Variants in NFASC observed in about 807,000 individuals in gnomAD.
The protein encoded by NFASC is neurofascin, also known as neurofascin homolog.
In NFASC, 43 loss-of-function variants were observed where a neutral mutation model predicts 147.5. The observed-to-expected ratio is 0.29, with a 90% CI of 0.23 to 0.38. The LOEUF is 0.38. Among genes scored for constraint, NFASC ranks in the 10% least tolerant of loss-of-function variants. NFASC has a pLI of 1.00. For synonymous variants in NFASC, 622 were observed against 665.5 expected (o/e 0.93, Z 1.01); for missense variants, 1,320 against 1,689.0 (o/e 0.78, Z 3.83).
chr1:204,976,737 G>T lies in NFASC; in HGVS notation c.1773G>T (p.Thr591=). 2 of 1,614,084 alleles carry T rather than the reference G, an allele frequency of 1.2e-6. No homozygotes were observed. The highest frequency in any genetic ancestry group is 1.7e-6 in the Non-Finnish European group (2 of 1,179,982). The change falls in exon 16 of 30, where the codon ACG becomes ACT. Residue 591 remains threonine (T), a synonymous_variant. Coordinates refer to ENST00000339876, the MANE Select transcript of NFASC (RefSeq NM_001005388.3). The part of the protein sequence containing the change: ...GVAERDQGSY[T]CVASTELDQD... ...CAGAGCGGGACCAGGGCAGTTACAC[G>T]TGTGTCGCCAGCACCGAGCTAGACC...
At chr1:204,876,224 C>T (rs1472989103) in intron 1 of NFASC, among the ~76,000 whole-genome samples, 1 of 152,004 alleles carries the variant, frequency 6.6e-6, no homozygotes. Flanking sequence ...GTATATGCCC[C>T]ATGTAACCAC....
At chr1:204,919,431 T>C (rs2090018277) in intron 1 of NFASC, among the ~76,000 whole-genome samples, 1 of 152,232 alleles carries the variant, frequency 6.6e-6, no homozygotes, top group South Asian at 2.1e-4. Flanking sequence ...CTTTCCTAAA[T>C]AAATGGTAGC....
chr1:204,934,564 C>T (rs1470386714), intron 2 of NFASC, among the ~76,000 whole-genome samples: 2 of 152,178 alleles, frequency 1.3e-5, no homozygotes, highest in East Asian at 1.9e-4. Context: ...CTCTGCCTTC[C>T]GGGTTATCCT....
intron 1 of NFASC, among the ~76,000 whole-genome samples, chr1:204,889,640 G>A (rs1450393241): frequency 6.6e-6 from 1 of 152,140 alleles, no homozygotes; most frequent in Admixed American, 6.5e-5. Flanking sequence ...CTTCCTCCAG[G>A]CTATGTTCCC....
At chr1:204,873,351 G>A (rs1295391271) in intron 1 of NFASC, among the ~76,000 whole-genome samples, 1 of 152,222 alleles carries the variant, frequency 6.6e-6, no homozygotes, top group African/African-American at 2.4e-5. Context: ...CAACCAGCCA[G>A]CAGCTCTGGG....
chr1:204,838,062 TC>T (rs1300009103), intron 1 of NFASC, among the ~76,000 whole-genome samples: 2 of 152,126 alleles, frequency 1.3e-5, no homozygotes, highest in African/African-American at 4.8e-5. Flanking sequence ...CAGCAGAACT[TC>T]CCAGAACACC....
At chr1:204,907,665 C>T (rs2086293430) in intron 1 of NFASC, among the ~76,000 whole-genome samples, 1 of 152,202 alleles carries the variant, frequency 6.6e-6, no homozygotes, top group African/African-American at 2.4e-5. Flanking sequence ...GAGAATGGCT[C>T]AACTCCCTTG....
At chr1:204,994,429 A>G (rs1468194373) in intron 24 of NFASC, among the ~76,000 whole-genome samples, 1 of 152,166 alleles carries the variant, frequency 6.6e-6, no homozygotes, top group Non-Finnish European at 1.5e-5. Flanking sequence ...ACTCACTGGA[A>G]CATCCTGGGA....
At chr1:204,970,074 C>CAAAAAAAAAAAAAAAAA (rs11307141) in intron 10 of NFASC, among the ~76,000 whole-genome samples, 1 of 65,460 alleles carries the variant, frequency 1.5e-5, no homozygotes, top group Non-Finnish European at 2.7e-5. Flanking sequence ...GACTCCATCT[C>CAAAAAAAAAAAAAAAAA]AAAAAAAAAA....
intron 1 of NFASC, among the ~76,000 whole-genome samples, chr1:204,868,622 G>T (rs1184698244): frequency 6.6e-6 from 1 of 152,188 alleles, no homozygotes; most frequent in Admixed American, 6.5e-5. Context: ...GTCCACAGGT[G>T]GCTTTGGGAG....
intron 8 of NFASC, among the ~76,000 whole-genome samples, chr1:204,964,955 T>C (rs2094869226): frequency 6.6e-6 from 1 of 152,188 alleles, no homozygotes; most frequent in Non-Finnish European, 1.5e-5. Flanking sequence ...GGTTGAGGCA[T>C]TGTCATCTCC....
At chr1:204,952,492 A>G (rs932436269) in intron 5 of NFASC, among the ~76,000 whole-genome samples, 1 of 152,212 alleles carries the variant, frequency 6.6e-6, no homozygotes, top group African/African-American at 2.4e-5. Flanking sequence ...TTATGTGCTC[A>G]TTAAGACCAA....
chr1:204,915,891 G>A (rs2089136051), intron 1 of NFASC, among the ~76,000 whole-genome samples: 1 of 152,162 alleles, frequency 6.6e-6, no homozygotes, highest in Non-Finnish European at 1.5e-5. Context: ...CGTTTGCTAA[G>A]GAATGATCTG....
At chr1:204,983,964 C>A in intron 21 of NFASC, 2 of 1,165,140 alleles carry the variant, frequency 1.7e-6, no homozygotes, top group Non-Finnish European at 2.6e-6. Flanking sequence ...CAGCAGAGAA[C>A]AAGTCAGAAG....
At chr1:204,916,831 C>T (rs1348007012) in intron 1 of NFASC, among the ~76,000 whole-genome samples, 3 of 152,076 alleles carry the variant, frequency 2.0e-5, no homozygotes, top group Non-Finnish European at 2.9e-5. Context: ...TCTCAGCCTT[C>T]CAGGGTGCTG....
intron 25 of NFASC, 38 bp downstream of exon 25, chr1:204,997,444 C>G: frequency 6.4e-7 from 1 of 1,551,314 alleles, no homozygotes; most frequent in South Asian, 1.2e-5. Context: ...CCCCTCCTGG[C>G]CCGCCTCCCC....
chr1:204,903,264 T>A (rs1455926278), intron 1 of NFASC, among the ~76,000 whole-genome samples: 1 of 152,222 alleles, frequency 6.6e-6, no homozygotes, highest in African/African-American at 2.4e-5. Context: ...TTTTCTACCC[T>A]TCTTTCCAAA....
chr1:204,889,325 A>G (rs974395567), intron 1 of NFASC, among the ~76,000 whole-genome samples: 2 of 152,206 alleles, frequency 1.3e-5, no homozygotes, highest in Non-Finnish European at 1.5e-5. Flanking sequence ...CACCTTCCCA[A>G]CTTTCCCAGG....
chr1:205,002,556 G>A (rs1209508015), intron 26 of NFASC, 40 bp from the exon 27 acceptor site: 2 of 1,402,992 alleles, frequency 1.4e-6, no homozygotes, highest in Non-Finnish European at 9.4e-7. Flanking sequence ...TCCAGCTCCT[G>A]GTGCCTGGCT....
Sources: gnomAD v4.1 joint callset for allele counts (sites outside exome capture counted in the v4.1 genomes callset) on GRCh38, gnomAD v4.1.1 for gene constraint, MANE v1.5 for transcripts, NCBI Gene and HGNC (gene_info 2026-07-23, HGNC 2026-07-21) for gene names.